Variants in ACBD3 observed in about 807,000 individuals in gnomAD.
ACBD3 encodes acyl-CoA binding domain containing 3.
A neutral mutation model predicts 66.9 loss-of-function variants in ACBD3; 30 were observed. That is an observed-to-expected ratio of 0.45 (90% confidence interval 0.34 to 0.61). The LOEUF is 0.61. Ranked by LOEUF, ACBD3 falls within the 20% of genes least tolerant of loss-of-function variation. ACBD3 has a pLI of 0.02. For missense variants in ACBD3, 544 were observed against 664.5 expected (o/e 0.82, Z 1.99); for synonymous variants, 278 against 259.8 (o/e 1.07, Z -0.68).
At chr1:226,176,264 A>T (rs554944038) in intron 1 of ACBD3, among the ~76,000 whole-genome samples, 1 of 152,206 alleles carries the variant, frequency 6.6e-6, no homozygotes, top group South Asian at 2.1e-4. Context: ...TGTCTCTACT[A>T]AAAATACACA....
intron 1 of ACBD3, among the ~76,000 whole-genome samples, chr1:226,179,196 A>T (rs148649800): frequency 6.6e-6 from 1 of 152,230 alleles, no homozygotes; most frequent in Non-Finnish European, 1.5e-5. Flanking sequence ...TAGGGTTCAT[A>T]TGAGTGTTAG....
At chr1:226,159,467 T>A in intron 4 of ACBD3, 109 bp from the exon 5 acceptor site, 2 of 995,736 alleles carry the variant, frequency 2.0e-6, no homozygotes, top group Admixed American at 2.7e-5. Flanking sequence ...TAAAAACAAC[T>A]AAGCTAGTAA....
At chr1:226,170,594 C>T (rs74471200) in intron 1 of ACBD3, among the ~76,000 whole-genome samples, 5,351 of 152,042 alleles carry the variant, frequency 0.035, 293 homozygotes, top group African/African-American at 0.12. Flanking sequence ...TGCAAAACAG[C>T]AATTTCGAAC....
intron 1 of ACBD3, among the ~76,000 whole-genome samples, chr1:226,176,115 G>C (rs537292571): frequency 1.3e-5 from 2 of 152,192 alleles, no homozygotes; most frequent in Non-Finnish European, 2.9e-5. Flanking sequence ...TGGCTCTGAA[G>C]ATGGAGGAAG....
At chr1:226,180,573 G>A (rs1357207069) in intron 1 of ACBD3, among the ~76,000 whole-genome samples, 2 of 152,110 alleles carry the variant, frequency 1.3e-5, no homozygotes, top group Non-Finnish European at 1.5e-5. Context: ...TAAAACATCT[G>A]CTCCTGGGCA....
chr1:226,177,430 C>T (rs1171347452), intron 1 of ACBD3, among the ~76,000 whole-genome samples: 3 of 150,458 alleles, frequency 2.0e-5, no homozygotes, highest in South Asian at 2.1e-4. Flanking sequence ...CTCCTGAACT[C>T]GTAGATCCGC....
At chr1:226,165,391 G>C (rs1047610332) in intron 2 of ACBD3, among the ~76,000 whole-genome samples, 1 of 151,978 alleles carries the variant, frequency 6.6e-6, no homozygotes, top group Non-Finnish European at 1.5e-5. Flanking sequence ...GGCTGGTCTT[G>C]AACTCCTGAC....
At chr1:226,148,180 C>A (rs1365347300) in intron 7 of ACBD3, 1 of 152,148 alleles carries the variant, frequency 6.6e-6, no homozygotes, top group African/African-American at 2.4e-5. Context: ...CTAAAAACAT[C>A]TGAATAAATA....
chr1:226,184,142 G>A (rs371901987), intron 1 of ACBD3, among the ~76,000 whole-genome samples: 110 of 152,240 alleles, frequency 7.2e-4, no homozygotes, highest in African/African-American at 2.6e-3. Flanking sequence ...AGTGAGCCCC[G>A]AGATGGCACC....
intron 5 of ACBD3, among the ~76,000 whole-genome samples, chr1:226,156,879 C>T (rs1283180455): frequency 1.3e-5 from 2 of 152,244 alleles, no homozygotes; most frequent in East Asian, 3.9e-4. Context: ...CAAATGGTCC[C>T]TCATCTCCAC....
At chr1:226,154,376 A>G (rs1659632946) in intron 6 of ACBD3, among the ~76,000 whole-genome samples, 4 of 152,084 alleles carry the variant, frequency 2.6e-5, no homozygotes, top group Middle Eastern at 3.4e-3. Context: ...CCCAGCCTGT[A>G]ATTTGTTATG....
intron 1 of ACBD3, among the ~76,000 whole-genome samples, chr1:226,181,151 T>G (rs772989255): frequency 6.6e-6 from 1 of 152,124 alleles, no homozygotes; most frequent in Non-Finnish European, 1.5e-5. Context: ...CTATATATCC[T>G]CCTACAGTAT....
chr1:226,144,818 A>C lies in ACBD3; in HGVS notation c.*1792T>G, dbSNP rs1358682979. 1 of 152,652 alleles carries C rather than the reference A, an allele frequency of 6.6e-6. No individual in the cohort carries two copies. The highest frequency in any genetic ancestry group is 1.5e-5 in the Non-Finnish European group (1 of 68,046). 9.5% of individuals were successfully genotyped at this position (152,652 alleles called of 1,614,324 possible). A position where few individuals can be genotyped will look rare whatever the true frequency, so the allele number is the denominator to read the frequency against. ...TATTCTGACATGAACACATGACAGG[A>C]ACCGCTGCTATGTAAAGTAACATAC... On this transcript the variant is annotated 3_prime_UTR_variant, in exon 8 of 8. Transcript: ENST00000366812.
intron 1 of ACBD3, among the ~76,000 whole-genome samples, chr1:226,182,561 T>C (rs559284868): frequency 1.3e-5 from 2 of 151,586 alleles, no homozygotes; most frequent in South Asian, 4.2e-4. Context: ...TTGCAGGGAG[T>C]GGAGATCATG....
At chr1:226,151,981 T>C (rs1176828137) in intron 7 of ACBD3, among the ~76,000 whole-genome samples, 1 of 151,926 alleles carries the variant, frequency 6.6e-6, no homozygotes, top group East Asian at 1.9e-4. Flanking sequence ...CACTCCAGCC[T>C]GGGTGACAGA....
At chr1:226,171,972 A>G (rs1209638428) in intron 1 of ACBD3, among the ~76,000 whole-genome samples, 3 of 151,568 alleles carry the variant, frequency 2.0e-5, no homozygotes, top group Non-Finnish European at 2.9e-5. Context: ...CCTGACTAAC[A>G]TGAGAAACCC....
At chr1:226,178,574 CAAAAAAAAAA>C (rs57231361) in intron 1 of ACBD3, among the ~76,000 whole-genome samples, 2 of 83,636 alleles carry the variant, frequency 2.4e-5, no homozygotes, top group African/African-American at 9.4e-5. Flanking sequence ...GACTCCGTCT[CAAAAAAAAAA>C]AAAAAAAAAG....
At position 226,161,451 on chromosome 1, in the gene ACBD3, C is replaced by T. The variant is rs866971232; in HGVS notation, c.728+80G>A. The T allele has an allele frequency of 2.0e-4, 321 of 1,590,606 alleles. No individual in the cohort carries two copies. In the Middle Eastern group the frequency reaches 2.6e-3, roughly 13 times the overall value. On this transcript the variant is annotated intron_variant, in intron 4 of 7. Coordinates refer to ENST00000366812, the MANE Select transcript of ACBD3 (RefSeq NM_022735.4). ...GGGATTACAGGCGTGAACCACCACA[C>T]CTGGCCCGCTCATTTCTTATTTTTA...
intron 1 of ACBD3, among the ~76,000 whole-genome samples, chr1:226,183,631 C>T (rs1226135501): frequency 1.3e-5 from 2 of 152,168 alleles, no homozygotes; most frequent in Admixed American, 6.6e-5. Flanking sequence ...CGGTGGCTCA[C>T]GCCTATAATC....
Sources: allele counts gnomAD v4.1 joint callset (sites outside exome capture counted in the v4.1 genomes callset), GRCh38; gene constraint gnomAD v4.1.1; transcripts MANE v1.5; gene names NCBI Gene and HGNC (gene_info 2026-07-23, HGNC 2026-07-21).